ZNF423: variants seen among roughly 807,000 people sequenced by gnomAD.
ZNF423 encodes zinc finger protein 423, also known as Ebf-associated zinc finger protein.
In ZNF423, 12 loss-of-function variants were observed where a neutral mutation model predicts 95.8. The ratio of observed to expected loss-of-function variants is 0.13; its 90% confidence interval spans 0.08 to 0.20. The LOEUF is 0.20. ZNF423 is among the 10% of genes least tolerant of loss of function. The pLI is 1.00. For missense variants in ZNF423, 1,316 were observed against 1,737.1 expected, an observed-to-expected ratio of 0.76 and a Z score of 4.31; for synonymous variants, 749 against 711.9, an observed-to-expected ratio of 1.05 and a Z score of -0.83.
At chr16:49,649,671 GGAGAGA>G (rs71134598) in intron 3 of ZNF423, among the ~76,000 whole-genome samples, 2 of 148,046 alleles carry the variant, frequency 1.4e-5, no homozygotes, top group African/African-American at 2.5e-5. Flanking sequence ...ACACACACAG[GGAGAGA>G]GAGAGAGAGA....
chr16:49,685,192 G>A (rs1419594097), intron 3 of ZNF423, among the ~76,000 whole-genome samples: 1 of 152,168 alleles, frequency 6.6e-6, no homozygotes, highest in East Asian at 1.9e-4. Flanking sequence ...GAAGTTGGAG[G>A]AGGAGGCAGC....
At chr16:49,585,071 G>T (rs888848451) in intron 5 of ZNF423, among the ~76,000 whole-genome samples, 1 of 152,116 alleles carries the variant, frequency 6.6e-6, no homozygotes, top group African/African-American at 2.4e-5. Context: ...ACTTTCAGGG[G>T]CAATGACCCT....
rs1972727392 is a variant in ZNF423 at position 49,636,643 on chromosome 16, T to C, written c.2533A>G (p.Thr845Ala). 3 of 1,614,046 alleles carry C rather than the reference T, an allele frequency of 1.9e-6. No individual in the cohort carries two copies. The highest frequency in any genetic ancestry group is 2.2e-5 in the East Asian group (1 of 44,862). Residue 845 changes from threonine (T) to alanine (A), a missense_variant, in exon 4 of 8, where the codon ACC becomes GCC. Around this residue, in one of 6 missense-constraint regions of ZNF423, gnomAD observed 620 missense variants for 775.6 expected, o/e 0.80. Coordinates refer to ENST00000563137, the MANE Select transcript of ZNF423 (RefSeq NM_001379286.1). This position sits in a 1 kb window ranked among gnomAD's most constrained non-coding sequence, Gnocchi z 8.6. ...REKHCVFDAA[T>A]ENGTANGVPP... ...ACCCCATTGGCCGTGCCGTTCTCGG[T>C]CGCAGCATCAAACACACAGTGCTTC... is the stretch of plus-strand genomic sequence containing the variant.
chr16:49,693,102 T>C (rs1410242423), intron 3 of ZNF423, among the ~76,000 whole-genome samples: 1 of 152,266 alleles, frequency 6.6e-6, no homozygotes, highest in Non-Finnish European at 1.5e-5. Context: ...TAACATTAAG[T>C]GCTTATTACA....
At chr16:49,807,252 A>C (rs2034679071) in intron 1 of ZNF423, among the ~76,000 whole-genome samples, 1 of 151,890 alleles carries the variant, frequency 6.6e-6, no homozygotes, top group African/African-American at 2.4e-5. Context: ...TAATGCGGTG[A>C]AACCCCATCT....
chr16:49,568,390 C>T (rs1219302191), intron 5 of ZNF423, among the ~76,000 whole-genome samples: 1 of 152,086 alleles, frequency 6.6e-6, no homozygotes, highest in Admixed American at 6.5e-5. Context: ...ACACAGAGGG[C>T]AGGGCTGGGC....
At chr16:49,508,017 G>T (rs1344528) in intron 7 of ZNF423, among the ~76,000 whole-genome samples, 94,420 of 151,964 alleles carry the variant, frequency 0.62, 30,660 homozygotes, top group African/African-American at 0.83. Flanking sequence ...GAGGACAGAA[G>T]CCGGGGCTGG....
chr16:49,589,393 G>T (rs574301234), intron 5 of ZNF423, among the ~76,000 whole-genome samples: 1 of 152,306 alleles, frequency 6.6e-6, no homozygotes, highest in African/African-American at 2.4e-5. Context: ...CGTAGCTCAA[G>T]ACCTGATCTG....
intron 1 of ZNF423, among the ~76,000 whole-genome samples, chr16:49,809,827 C>A (rs921537842): frequency 6.6e-6 from 1 of 152,104 alleles, no homozygotes; most frequent in Admixed American, 6.5e-5. Flanking sequence ...GGGTCTGGGG[C>A]TGGAGGGTCC....
At chr16:49,800,477 T>C (rs1287738515) in intron 1 of ZNF423, among the ~76,000 whole-genome samples, 1 of 152,120 alleles carries the variant, frequency 6.6e-6, no homozygotes, top group Non-Finnish European at 1.5e-5. Context: ...TTTCTCTAAA[T>C]TGGCACAGAT....
rs923419592 is a variant in ZNF423, at chr16:49,492,139, G to A, written c.3850-835C>T. Among the ~76,000 whole-genome samples, 1 of 152,260 alleles carries A rather than the reference G, an allele frequency of 6.6e-6. No homozygotes were observed. Among genetic ancestry groups the A allele is most frequent in the Non-Finnish European group, 1.5e-5 (1 of 68,040 alleles). ...AGGAGCCAGCGGCCTGGGACTGGGG[G>A]TGGGATTTGGCATCTGAAAGCCGTC... is the stretch of plus-strand genomic sequence containing the variant. On this transcript the variant is annotated intron_variant, in intron 7 of 7. Coordinates refer to ENST00000563137, the MANE Select transcript of ZNF423 (RefSeq NM_001379286.1). This position sits in a 1 kb window ranked among gnomAD's most constrained non-coding sequence, Gnocchi z 4.2.
chr16:49,549,092 G>C (rs55850433), intron 5 of ZNF423, among the ~76,000 whole-genome samples: 8,509 of 152,286 alleles, frequency 0.056, 316 homozygotes, highest in Non-Finnish European at 0.079. Flanking sequence ...GGAGCTACAG[G>C]GTTCAAAGAC....
At chr16:49,801,638 C>T (rs1490490536) in intron 1 of ZNF423, among the ~76,000 whole-genome samples, 1 of 152,152 alleles carries the variant, frequency 6.6e-6, no homozygotes, top group Non-Finnish European at 1.5e-5. Context: ...ATGCAGAATC[C>T]CAGACCCCAT....
rs760890915 is a variant in ZNF423 at position 49,636,640 on chromosome 16, C to T, written c.2536G>A (p.Glu846Lys). The T allele has an allele frequency of 8.7e-6, 14 of 1,613,934 alleles. No individual in the cohort carries two copies. Among genetic ancestry groups the T allele is most frequent in the East Asian group, 2.2e-5 (1 of 44,882 alleles). The change falls in exon 4 of 8, where the codon GAG (glutamate) becomes AAG (lysine). Residue 846 changes from glutamate (E) to lysine (K), a missense_variant. Physicochemically the swap from Glu to Lys is moderately conservative, Grantham distance 56. Transcript: ENST00000563137. This position sits in a 1 kb window ranked among gnomAD's most constrained non-coding sequence, Gnocchi z 8.6. ...EKHCVFDAAT[E>K]NGTANGVPPM... The stretch of plus-strand genomic sequence containing the variant: ...GGTACCCCATTGGCCGTGCCGTTCT[C>T]GGTCGCAGCATCAAACACACAGTGC...
intron 3 of ZNF423, among the ~76,000 whole-genome samples, chr16:49,639,961 G>T: frequency 6.6e-6 from 1 of 152,212 alleles, no homozygotes; most frequent in Admixed American, 6.5e-5. Flanking sequence ...GGCAGGGAGT[G>T]AGTTCCAAGG....
intron 1 of ZNF423, among the ~76,000 whole-genome samples, chr16:49,824,570 C>T (rs1207828500): frequency 6.6e-6 from 1 of 152,178 alleles, no homozygotes; most frequent in Admixed American, 6.5e-5. Flanking sequence ...AAATCCTCAG[C>T]TCTGGCCAGA....
chr16:49,822,173 A>ATT (rs34004656), intron 1 of ZNF423, among the ~76,000 whole-genome samples: 11 of 143,110 alleles, frequency 7.7e-5, no homozygotes, highest in African/African-American at 1.8e-4. Context: ...CCCCGCAGGA[A>ATT]TTTTTTTTTT....
intron 1 of ZNF423, among the ~76,000 whole-genome samples, chr16:49,843,204 T>C (rs1342606384): frequency 6.6e-6 from 1 of 152,152 alleles, no homozygotes; most frequent in African/African-American, 2.4e-5. Context: ...ACACAAAGGT[T>C]ATAAATGAGG....
At chr16:49,655,563 T>C (rs1419133735) in intron 3 of ZNF423, among the ~76,000 whole-genome samples, 2 of 152,154 alleles carry the variant, frequency 1.3e-5, no homozygotes, top group African/African-American at 2.4e-5. Flanking sequence ...CAAGTCACTG[T>C]GGACAGCAGA....
Sources: allele counts gnomAD v4.1 joint callset (sites outside exome capture counted in the v4.1 genomes callset), GRCh38; gene constraint gnomAD v4.1.1; regional missense constraint gnomAD v4.1.1; non-coding constraint Gnocchi (gnomAD v3.1); transcripts MANE v1.5; gene names NCBI Gene and HGNC (gene_info 2026-07-23, HGNC 2026-07-21).